BACE2: variants seen among roughly 807,000 people sequenced by gnomAD.
BACE2 encodes beta-secretase 2.
Under a neutral mutation model 46.2 loss-of-function variants are expected in BACE2, and 17 were observed. That is an observed-to-expected ratio of 0.37 (90% CI 0.25 to 0.55). The LOEUF (loss-of-function observed/expected upper bound fraction) is 0.55, where lower values mean the gene tolerates loss of function less well. Among genes scored for constraint, BACE2 ranks in the 20% least tolerant of loss-of-function variants. BACE2 has a pLI of 0.82. For missense variants in BACE2, 595 were observed against 698.1 expected (o/e 0.85, Z 1.66); for synonymous variants, 277 against 295.9 (o/e 0.94, Z 0.66).
At chr21:41,229,480 G>A (rs1986914453) in intron 2 of BACE2, among the ~76,000 whole-genome samples, 1 of 152,222 alleles carries the variant, frequency 6.6e-6, no homozygotes, top group African/African-American at 2.4e-5. Flanking sequence ...ATAAATAGCA[G>A]TTCTGTGGCA....
Position 41,240,747 on chromosome 21 carries a change from G to A in BACE2, c.619-1072G>A, listed in dbSNP as rs1396876534. Among the ~76,000 whole-genome samples the A allele has an allele frequency of 2.6e-5, 4 of 152,220 alleles. No homozygotes were observed. In the East Asian group the frequency reaches 5.8e-4, roughly 22 times the overall value. On this transcript the variant is annotated intron_variant, in intron 3 of 8. Transcript: ENST00000330333. ...GACAGAGATTGCATATGGAAATCGT[G>A]CTAGATTCTGCCTCGGAATTCTGCA...
At chr21:41,174,139 C>T (rs9979075) in intron 1 of BACE2, among the ~76,000 whole-genome samples, 11,551 of 48,512 alleles carry the variant, frequency 0.24, 2,168 homozygotes, top group East Asian at 0.46. Flanking sequence ...GATCAGTGGC[C>T]TTTTTTTTTT....
chr21:41,235,282 T>C (rs185252201), intron 2 of BACE2, among the ~76,000 whole-genome samples: 52 of 152,348 alleles, frequency 3.4e-4, no homozygotes, highest in Middle Eastern at 3.4e-3. Flanking sequence ...TAAAATTTCT[T>C]AGAAAAAGAA....
intron 1 of BACE2, among the ~76,000 whole-genome samples, chr21:41,204,555 G>T (rs1986065330): frequency 1.3e-5 from 2 of 152,188 alleles, no homozygotes; most frequent in African/African-American, 4.8e-5. Context: ...TGCTGCTCCA[G>T]CAAACATATT....
intron 8 of BACE2, among the ~76,000 whole-genome samples, chr21:41,267,808 C>G (rs1383528016): frequency 1.3e-5 from 2 of 152,174 alleles, no homozygotes; most frequent in Non-Finnish European, 2.9e-5. Flanking sequence ...AAATCTGGCT[C>G]TGGGTCCAGA....
At chr21:41,244,886 T>TGA (rs1987420899) in intron 5 of BACE2, among the ~76,000 whole-genome samples, 2 of 150,956 alleles carry the variant, frequency 1.3e-5, no homozygotes, top group Middle Eastern at 3.4e-3. Flanking sequence ...TGTGTGAGTG[T>TGA]GTGTGTATGT....
chr21:41,226,615 A>C (rs929703572), intron 2 of BACE2, among the ~76,000 whole-genome samples: 1 of 151,908 alleles, frequency 6.6e-6, no homozygotes, highest in African/African-American at 2.4e-5. Context: ...GTCAAACACA[A>C]CTCCTTTAGT....
chr21:41,254,866 G>A (rs935146003), intron 7 of BACE2, among the ~76,000 whole-genome samples: 5 of 152,168 alleles, frequency 3.3e-5, no homozygotes, highest in Admixed American at 2.0e-4. Flanking sequence ...TCCTGCCTCC[G>A]TCAGGCTGCC....
intron 1 of BACE2, among the ~76,000 whole-genome samples, chr21:41,187,184 A>C (rs1985410410): frequency 6.6e-6 from 1 of 152,210 alleles, no homozygotes; most frequent in South Asian, 2.1e-4. Flanking sequence ...GACATCAGAT[A>C]GATTCAGCTG....
At chr21:41,184,781 G>C (rs1357345814) in intron 1 of BACE2, 3 of 167,074 alleles carry the variant, frequency 1.8e-5, no homozygotes, top group Non-Finnish European at 4.4e-5. Flanking sequence ...GAGCAGCTAG[G>C]TGGGGATCCC....
chr21:41,204,227 G>A lies in BACE2; in HGVS notation c.313-22039G>A, dbSNP rs570488466. Among the ~76,000 whole-genome samples, 20 of 152,240 alleles carry A rather than the reference G, an allele frequency of 1.3e-4. No homozygotes were observed. The East Asian group carries it at 1.7e-3, about 13-fold the overall frequency. On this transcript the variant is annotated intron_variant, in intron 1 of 8. Coordinates refer to ENST00000330333, the MANE Select transcript of BACE2 (RefSeq NM_012105.5). ...TTTTGTTTTTTGTTTTTTTAGTAGA[G>A]ACAGGGTTTCAACATGTTGGCCAGG...
chr21:41,244,368 G>C (rs1029029806), intron 5 of BACE2, among the ~76,000 whole-genome samples: 7 of 152,162 alleles, frequency 4.6e-5, no homozygotes, highest in Non-Finnish European at 1.0e-4. Context: ...AAGAGAGTCA[G>C]TGAAGGGAGA....
chr21:41,215,524 G>A (rs1161970721), intron 1 of BACE2, among the ~76,000 whole-genome samples: 1 of 152,222 alleles, frequency 6.6e-6, no homozygotes, highest in Non-Finnish European at 1.5e-5. Flanking sequence ...TGGCGGCAGG[G>A]TTGGAGTAGT....
At chr21:41,185,483 T>C (rs1568859854) in intron 1 of BACE2, among the ~76,000 whole-genome samples, 2 of 152,192 alleles carry the variant, frequency 1.3e-5, no homozygotes, top group Non-Finnish European at 2.9e-5. Flanking sequence ...CCCAATTCCT[T>C]TGACCAAGAG....
chr21:41,177,597 G>A (rs1984905181), intron 1 of BACE2: 1 of 152,268 alleles, frequency 6.6e-6, no homozygotes, highest in African/African-American at 2.4e-5. Context: ...AGATGAAACA[G>A]TGTGCGTTTA....
chr21:41,266,946 TTGTG>T (rs10527457), intron 8 of BACE2, among the ~76,000 whole-genome samples: 75,490 of 148,092 alleles, frequency 0.51, 20,402 homozygotes, highest in East Asian at 0.83. Context: ...CTCACAGTGT[TTGTG>T]TGTGTGTGTG....
At position 41,235,880 on chromosome 21, in the gene BACE2, A is replaced by ATGAC. The variant is rs3036951; in HGVS notation, c.402-1633_402-1632insTGAC. 2.3e-3 allele frequency among the ~76,000 whole-genome samples: 343 copies of ATGAC among 152,326 alleles called. 1 individual carries two copies. The highest frequency in any genetic ancestry group is 7.9e-3 in the African/African-American group (330 of 41,562). ...AATGAATGAATGAATGAATGAATGA[A>ATGAC]CAAATGATCATGTCATCTCCAAACT... On this transcript the variant is annotated intron_variant, in intron 2 of 8. Transcript: ENST00000330333.
At chr21:41,226,162 T>A (rs1986811528) in intron 1 of BACE2, 104 bp from the exon 2 acceptor site, 7 of 857,872 alleles carry the variant, frequency 8.2e-6, no homozygotes, top group Non-Finnish European at 1.3e-5. Flanking sequence ...TTCCAACTGA[T>A]AAATTATTCT....
intron 5 of BACE2, among the ~76,000 whole-genome samples, chr21:41,244,993 A>G (rs970839776): frequency 6.6e-6 from 1 of 151,930 alleles, no homozygotes; most frequent in Non-Finnish European, 1.5e-5. Flanking sequence ...CCCACCCCAC[A>G]AAAGAACAAA....
Sources: gnomAD v4.1 joint callset for allele counts (sites outside exome capture counted in the v4.1 genomes callset) on GRCh38, gnomAD v4.1.1 for gene constraint, MANE v1.5 for transcripts, NCBI Gene and HGNC (gene_info 2026-07-23, HGNC 2026-07-21) for gene names.